The following LENG8 variants were observed in gnomAD, a reference collection of about 807,000 sequenced individuals.
The protein encoded by LENG8 is leukocyte receptor cluster (LRC) member 8.
Under a neutral mutation model 102.1 loss-of-function variants are expected in LENG8, and 28 were observed. The ratio of observed to expected loss-of-function variants is 0.27; its 90% CI spans 0.20 to 0.38. LENG8 has a LOEUF of 0.38. Among genes scored for constraint, LENG8 ranks in the 10% least tolerant of loss-of-function variants. The pLI is 1.00. For missense variants in LENG8, 1,022 were observed against 1,113.9 expected, an observed-to-expected ratio of 0.92 and a Z score of 1.17; for synonymous variants, 531 against 456.7, an observed-to-expected ratio of 1.16 and a Z score of -2.07.
intron 4 of LENG8, 96 bp from the exon 5 acceptor site, chr19:54,453,450 T>C (rs1343183139): frequency 1.3e-6 from 1 of 760,754 alleles, no homozygotes; most frequent in African/African-American, 1.7e-5. Flanking sequence ...GGGTGAGGGA[T>C]TGGTAGAGGG....
rs111407460 is a variant in LENG8, at chr19:54,456,077, C to T, written c.1136C>T (p.Pro379Leu). The T allele has an allele frequency of 8.1e-6, 13 of 1,608,886 alleles. No homozygotes were observed. Among genetic ancestry groups the T allele is most frequent in the Non-Finnish European group, 1.1e-5 (13 of 1,176,886 alleles). ...TCGGCGACAAGGGGCGGGGGTGCCCCGTCCCAGCGAGGGACGCCCGGGGCT... is the reference window on the plus strand; with the variant it reads ...TCGGCGACAAGGGGCGGGGGTGCCCTGTCCCAGCGAGGGACGCCCGGGGCT... ...AGSATRGGGA[P>L]SQRGTPGAGG... The change falls in exon 9 of 16, where the codon CCG becomes CTG. Residue 379 changes from proline (P) to leucine (L), a missense_variant. Coordinates refer to ENST00000326764, the MANE Select transcript of LENG8 (RefSeq NM_052925.4).
At chr19:54,454,324 T>C in intron 5 of LENG8, 106 bp from the exon 6 acceptor site, 1 of 1,156,814 alleles carries the variant, frequency 8.6e-7, no homozygotes, top group Non-Finnish European at 1.2e-6. Context: ...CACGGGAGGG[T>C]TGAGTGCTGA....
rs1197875116 is a variant in LENG8, at chr19:54,456,232, C to T, written c.1291C>T (p.His431Tyr). 1.2e-6 allele frequency: 2 copies of T among 1,613,356 alleles called. No individual in the cohort carries two copies. The highest frequency in any genetic ancestry group is 1.7e-6 in the Non-Finnish European group (2 of 1,179,642). The change falls in exon 9 of 16, where the codon CAC (histidine) becomes TAC (tyrosine). Residue 431 changes from histidine to tyrosine, a missense_variant. Coordinates refer to ENST00000326764, the MANE Select transcript of LENG8 (RefSeq NM_052925.4). ...CTCCTCCTCCAGGTCCCCGACGCGC[C>T]ACTTCCGCAGAAGGTACTGAGGCTC... Reference protein sequence around the residue: ...SRSSSRSPTRHFRRSDSHSDS... With the variant: ...SRSSSRSPTRYFRRSDSHSDS...
intron 15 of LENG8, chr19:54,458,778 C>T: frequency 6.4e-7 from 1 of 1,551,220 alleles, no homozygotes; most frequent in Non-Finnish European, 8.7e-7. Flanking sequence ...GGCCTCTTCT[C>T]CACCCCATCT....
rs116213192 is a variant in LENG8, at chr19:54,455,850, C to T, written c.1026-117C>T. 2,486 of 1,146,668 alleles carry T rather than the reference C, an allele frequency of 2.2e-3. 39 individuals carry two copies. In the African/African-American group the frequency reaches 0.034, roughly 16 times the overall value. 71.0% of individuals were successfully genotyped at this position (1,146,668 alleles called of 1,614,324 possible). A position where few individuals can be genotyped will look rare whatever the true frequency, so the allele number is the denominator to read the frequency against. On this transcript the variant is annotated intron_variant, in intron 8 of 15. Coordinates refer to ENST00000326764, the MANE Select transcript of LENG8 (RefSeq NM_052925.4). ...CATTTCTGCACTGTAGTAGCTGAGC[C>T]GCCTGGGGTAAGTGCCTTTCCTTTC...
Position 54,457,960 on chromosome 19 carries a change from G to T in LENG8, c.1860G>T (p.Thr620=). The part of the protein sequence containing the change: ...LTVQGIRTEF[T]VEVYETHARI... ...TGCAGGGCATCCGCACCGAGTTCAC[G>T]GTGGAGGTGTACGAGACCCATGCCC... Residue 620 remains threonine, a synonymous_variant, in exon 13 of 16, where the codon ACG becomes ACT. Coordinates refer to ENST00000326764, the MANE Select transcript of LENG8 (RefSeq NM_052925.4). 6.2e-7 allele frequency: 1 copy of T among 1,613,880 alleles called. No homozygotes were observed. Among genetic ancestry groups the T allele is most frequent in the East Asian group, 2.2e-5 (1 of 44,876 alleles).
intron 15 of LENG8, chr19:54,459,694 C>T (rs1429260173): frequency 9.8e-7 from 1 of 1,025,436 alleles, no homozygotes; most frequent in Admixed American, 5.2e-5. Flanking sequence ...GACTGTCAGC[C>T]TGGAGGTTTG....
rs377283784 is a variant in LENG8, at chr19:54,455,359, C to G, written c.822-5C>G. 5 of 1,613,810 alleles carry G rather than the reference C, an allele frequency of 3.1e-6. No individual in the cohort carries two copies. Among genetic ancestry groups the G allele is most frequent in the Non-Finnish European group, 4.2e-6 (5 of 1,179,910 alleles). The stretch of plus-strand genomic sequence containing the variant: ...CAGCTGAGCCCCTCATCTGTCCTCC[C>G]GCAGCGGGTCCTCTGCCCGGGGGAA... On this transcript the variant is annotated splice_region_variant and splice_polypyrimidine_tract_variant and intron_variant, in intron 7 of 15. Coordinates refer to ENST00000326764, the MANE Select transcript of LENG8 (RefSeq NM_052925.4).
intron 3 of LENG8, 26 bp from the exon 4 acceptor site, chr19:54,452,622 TGAC>T: frequency 6.6e-7 from 1 of 1,519,284 alleles, no homozygotes; most frequent in Non-Finnish European, 8.8e-7. Context: ...TTTGGGCTGC[TGAC>T]GGCACATGTG....
chr19:54,451,086 T>G (rs2083940747), intron 1 of LENG8, among the ~76,000 whole-genome samples: 1 of 152,130 alleles, frequency 6.6e-6, no homozygotes, highest in Non-Finnish European at 1.5e-5. Context: ...CACCTGGAGC[T>G]CTACAAAGGG....
At chr19:54,459,066 T>TCACTAGACA in intron 15 of LENG8, 1 of 1,398,576 alleles carries the variant, frequency 7.2e-7, no homozygotes, top group Non-Finnish European at 9.3e-7. Flanking sequence ...TGTCCTTCGT[T>TCACTAGACA]CACTAGACAT....
chr19:54,458,964 T>C, intron 15 of LENG8: 1 of 1,474,572 alleles, frequency 6.8e-7, no homozygotes, highest in Non-Finnish European at 9.0e-7. Flanking sequence ...CTCAGCTCCT[T>C]TGAGAGCACC....
Position 54,456,306 on chromosome 19 carries a change from C to T in LENG8, c.1305-19C>T, listed in dbSNP as rs1002348607. On this transcript the variant is annotated intron_variant, in intron 9 of 15. Transcript: ENST00000326764. ...AGGGGGAGGCGTTTCAGGCCTGACCCTCCTGCTTCTTCCTGCAGTGACTCC... is the reference window on the plus strand; with the variant it reads ...AGGGGGAGGCGTTTCAGGCCTGACCTTCCTGCTTCTTCCTGCAGTGACTCC... 1 of 1,614,160 alleles carries T rather than the reference C, an allele frequency of 6.2e-7. No homozygotes were observed. The highest frequency in any genetic ancestry group is 2.2e-5 in the East Asian group (1 of 44,872).
intron 15 of LENG8, chr19:54,458,853 C>CT: frequency 6.4e-7 from 1 of 1,550,662 alleles, no homozygotes; most frequent in Non-Finnish European, 8.7e-7. Context: ...CCTGGGCTTC[C>CT]TCAGAACCCT....
rs201939037 is a variant in LENG8 at position 54,453,627 on chromosome 19, G to A, written c.397G>A (p.Ala133Thr). ...YGSATPQQPS[A>T]PQHQGTLNQP... ...CTCAGCCACACCCCAGCAGCCATCC[G>A]CACCCCAACACCAAGGGACTCTGAA... Residue 133 changes from alanine (A) to threonine (T), a missense_variant, in exon 5 of 16, where the codon GCA (alanine) becomes ACA (threonine). By Grantham distance (58) the Ala-to-Thr change is moderately conservative (BLOSUM62 0). This residue lies in a region of LENG8 where 343 missense variants were observed against 320.2 expected (regional missense o/e 1.07). Transcript: ENST00000326764. The A allele has an allele frequency of 1.8e-5, 29 of 1,613,596 alleles. No individual in the cohort carries two copies. In the African/African-American group the frequency reaches 1.9e-4, roughly 10 times the overall value.
rs1367833834 is a variant in LENG8, at chr19:54,461,915, CCCT to C, written c.*992_*994del. ...GATGTTCCTCCTCTGCCTCCCCTTC[CCCT>C]CCTCTCCCCTCCTTTTCCTTCCTTC... On this transcript the variant is annotated 3_prime_UTR_variant, in exon 16 of 16. Coordinates refer to ENST00000326764, the MANE Select transcript of LENG8 (RefSeq NM_052925.4). 2.3e-5 allele frequency: 20 copies of C among 879,728 alleles called. No homozygotes were observed. Among genetic ancestry groups the C allele is most frequent in the Middle Eastern group, 2.2e-4 (1 of 4,622 alleles). The allele number at this position is 879,728 out of a possible 1,614,324, so 54.5% of individuals were successfully genotyped here. A position where few individuals can be genotyped will look rare whatever the true frequency, so the allele number is the denominator to read the frequency against.
intron 15 of LENG8, 181 bp from the exon 16 acceptor site, chr19:54,460,585 A>ACCCCCCCCGGG (rs1296516919): frequency 7.4e-7 from 1 of 1,356,170 alleles, no homozygotes; most frequent in Non-Finnish European, 9.6e-7. Context: ...GGGGTCACTA[A>ACCCCCCCCGGG]CCCCCCCCGG....
chr19:54,452,569 A>G, intron 3 of LENG8, 82 bp from the exon 4 acceptor site: 1 of 1,138,922 alleles, frequency 8.8e-7, no homozygotes. Context: ...GCAATTGGCC[A>G]CCAGTAAACA....
chr19:54,459,772 C>T, intron 15 of LENG8: 5 of 1,092,560 alleles, frequency 4.6e-6, no homozygotes, highest in Non-Finnish European at 5.6e-6. Context: ...GGGTAGGAGT[C>T]ACAGGAGCAG....
Sources: allele counts gnomAD v4.1 joint callset (sites outside exome capture counted in the v4.1 genomes callset), GRCh38; gene constraint gnomAD v4.1.1; regional missense constraint gnomAD v4.1.1; transcripts MANE v1.5; gene names NCBI Gene and HGNC (gene_info 2026-07-23, HGNC 2026-07-21).